The following CPXM2 variants were observed in gnomAD, a reference collection of about 807,000 sequenced individuals.
CPXM2 encodes carboxypeptidase X, M14 family member 2, also known as inactive carboxypeptidase-like protein X2.
In CPXM2, 66 loss-of-function variants were observed where a neutral mutation model predicts 86.1. The observed-to-expected ratio is 0.77, with a 90% CI of 0.63 to 0.94. CPXM2 has a LOEUF of 0.94. Among genes scored for constraint, CPXM2 ranks in the 40% least tolerant of loss-of-function variants. The probability of loss-of-function intolerance (pLI) is 0.00; values close to 1 mark genes in which losing one functional copy is unlikely to be tolerated. For synonymous variants in CPXM2, 388 were observed against 400.2 expected (o/e 0.97, Z 0.36); for missense variants, 948 against 1,026.3 (o/e 0.92, Z 1.04).
chr10:123,763,639 C>A (rs1186512018), intron 10 of CPXM2, among the ~76,000 whole-genome samples: 1 of 151,648 alleles, frequency 6.6e-6, no homozygotes, highest in East Asian at 1.9e-4. Flanking sequence ...TTGTGGTTCC[C>A]AGATTCATCC....
At chr10:123,853,884 G>A (rs770015556) in intron 3 of CPXM2, among the ~76,000 whole-genome samples, 6 of 152,116 alleles carry the variant, frequency 3.9e-5, no homozygotes, top group Admixed American at 2.0e-4. Flanking sequence ...CAGCCTGGGC[G>A]ACAGAGCGAG....
chr10:123,887,217 G>A (rs571830853), intron 1 of CPXM2: 38 of 152,166 alleles, frequency 2.5e-4, no homozygotes, highest in African/African-American at 9.2e-4. Context: ...GCAGCTCACT[G>A]TTAGAATCTC....
chr10:123,883,685 T>C (rs978766384), intron 1 of CPXM2, among the ~76,000 whole-genome samples: 3 of 152,250 alleles, frequency 2.0e-5, no homozygotes, highest in East Asian at 1.9e-4. Context: ...ATTTTATAGA[T>C]GGGGACACAG....
chr10:123,854,917 C>G (rs1439083193), intron 3 of CPXM2, among the ~76,000 whole-genome samples: 1 of 151,972 alleles, frequency 6.6e-6, no homozygotes, highest in African/African-American at 2.4e-5. Context: ...ACCAGATAAT[C>G]CTGTGGTTCC....
intron 4 of CPXM2, among the ~76,000 whole-genome samples, chr10:123,841,397 T>C (rs562011563): frequency 1.3e-5 from 2 of 152,362 alleles, no homozygotes; most frequent in African/African-American, 4.8e-5. Flanking sequence ...GTAACCATCT[T>C]GAACTGTACA....
At chr10:123,851,768 CAA>C (rs58638640) in intron 3 of CPXM2, among the ~76,000 whole-genome samples, 15,710 of 100,832 alleles carry the variant, frequency 0.16, 945 homozygotes, top group East Asian at 0.37. Flanking sequence ...GACATCATCT[CAA>C]AAAAAAAAAA....
chr10:123,877,315 C>A (rs1194153342), intron 2 of CPXM2, among the ~76,000 whole-genome samples: 1 of 152,208 alleles, frequency 6.6e-6, no homozygotes, highest in Non-Finnish European at 1.5e-5. Context: ...TTTGAAAAAA[C>A]AAGGTCATGC....
intron 3 of CPXM2, among the ~76,000 whole-genome samples, chr10:123,862,098 T>TGAGCCTCCAGGAGGGAGACCAGC (rs1486277998): frequency 6.6e-6 from 1 of 152,166 alleles, no homozygotes; most frequent in East Asian, 1.9e-4. Context: ...GAAAGGCCCT[T>TGAGCCTCCAGGAGGGAGACCAGC]GAGCCTCCAG....
chr10:123,931,969 G>C (rs887730851), intron 2 of CPXM2, among the ~76,000 whole-genome samples: 1 of 152,198 alleles, frequency 6.6e-6, no homozygotes, highest in Non-Finnish European at 1.5e-5. Flanking sequence ...CAAAGTAAAA[G>C]AAGAAAGTCA....
rs184967965 is a variant in CPXM2, at chr10:123,841,316, C to T, written c.653+1033G>A. On this transcript the variant is annotated intron_variant, in intron 4 of 13. Coordinates refer to ENST00000241305, the MANE Select transcript of CPXM2 (RefSeq NM_198148.3). Reference sequence around the variant, plus strand: ...ACAACCAGCCCTGAGCCGCCGCGGTCGACAGGGTGATTTTGTTCATGTATT... The same window carrying T: ...ACAACCAGCCCTGAGCCGCCGCGGTTGACAGGGTGATTTTGTTCATGTATT... Among the ~76,000 whole-genome samples the T allele has an allele frequency of 2.0e-3, 305 of 152,146 alleles. 1 individual carries two copies. The highest frequency in any genetic ancestry group is 3.1e-3 in the Non-Finnish European group (213 of 68,016).
intron 13 of CPXM2, 67 bp from the exon 14 acceptor site, chr10:123,747,084 T>C (rs1845985464): frequency 1.3e-6 from 2 of 1,555,038 alleles, no homozygotes; most frequent in Non-Finnish European, 8.7e-7. Context: ...CCAGCCCTCC[T>C]CCAAGACCAG....
At chr10:123,772,129 G>A (rs962881186) in intron 7 of CPXM2, among the ~76,000 whole-genome samples, 2 of 152,120 alleles carry the variant, frequency 1.3e-5, no homozygotes, top group African/African-American at 2.4e-5. Context: ...TCACCTCCCT[G>A]GTTGTGGTTA....
intron 4 of CPXM2, among the ~76,000 whole-genome samples, chr10:123,810,863 C>T (rs1180257706): frequency 6.6e-6 from 1 of 151,914 alleles, no homozygotes; most frequent in Non-Finnish European, 1.5e-5. Context: ...GAAAAAGAAA[C>T]AGTAGAGTAT....
intron 1 of CPXM2, among the ~76,000 whole-genome samples, chr10:123,881,737 G>A (rs774194434): frequency 6.6e-6 from 1 of 152,228 alleles, no homozygotes; most frequent in Non-Finnish European, 1.5e-5. Context: ...GGGTGTCCCT[G>A]TGGGGAAAGA....
At chr10:123,870,571 C>CT (rs1455180107) in intron 2 of CPXM2, among the ~76,000 whole-genome samples, 1 of 152,228 alleles carries the variant, frequency 6.6e-6, no homozygotes, top group Admixed American at 6.5e-5. Context: ...CACTGAAAAT[C>CT]TGTCTGCAGT....
At chr10:123,788,000 C>A (rs1847107135) in intron 6 of CPXM2, among the ~76,000 whole-genome samples, 1 of 152,004 alleles carries the variant, frequency 6.6e-6, no homozygotes, top group South Asian at 2.1e-4. Context: ...CAAATACAGG[C>A]TGAGAGCGGT....
chr10:123,778,591 T>G (rs1589989391), intron 7 of CPXM2, among the ~76,000 whole-genome samples: 1 of 152,180 alleles, frequency 6.6e-6, no homozygotes, highest in Non-Finnish European at 1.5e-5. Flanking sequence ...GCCCCAAGTC[T>G]CCATGCATGA....
At chr10:123,801,526 C>G (rs1351466655) in intron 4 of CPXM2, among the ~76,000 whole-genome samples, 2 of 152,166 alleles carry the variant, frequency 1.3e-5, no homozygotes, top group Non-Finnish European at 2.9e-5. Flanking sequence ...CTCTCTCCAC[C>G]TCCCCTGCCA....
At chr10:123,864,976 T>C (rs1848945564) in intron 2 of CPXM2, among the ~76,000 whole-genome samples, 1 of 152,176 alleles carries the variant, frequency 6.6e-6, no homozygotes, top group African/African-American at 2.4e-5. Context: ...AACTGAAAAG[T>C]GCAATGCCTG....
Sources: gnomAD v4.1 joint callset for allele counts (sites outside exome capture counted in the v4.1 genomes callset) on GRCh38, gnomAD v4.1.1 for gene constraint, MANE v1.5 for transcripts, NCBI Gene and HGNC (gene_info 2026-07-23, HGNC 2026-07-21) for gene names.